The following MAOB variants were observed in gnomAD, a reference collection of about 807,000 sequenced individuals.
The protein encoded by MAOB is amine oxidase [flavin-containing] B.
A neutral mutation model predicts 41.9 loss-of-function variants in MAOB; 15 were observed. That is an observed-to-expected ratio of 0.36 (90% CI 0.24 to 0.55). The LOEUF is 0.55. Among genes scored for constraint, MAOB ranks in the 20% least tolerant of loss-of-function variants. The pLI is 0.86. For missense variants in MAOB, 345 were observed against 398.7 expected (o/e 0.87, Z 1.15); for synonymous variants, 167 against 144.2 (o/e 1.16, Z -1.13).
rs1401836577 is a variant in MAOB at position 43,793,718 on chromosome X, C to T, written c.769-140G>A. On this transcript the variant is annotated intron_variant, in intron 7 of 14. Coordinates refer to ENST00000378069, the MANE Select transcript of MAOB (RefSeq NM_000898.5). ...GGATTTTGTCGAAACCTAAAGTAGC[C>T]CTTATTGTTCCTTAGTTCAAAACCT... 4 of 467,967 alleles carry T rather than the reference C, an allele frequency of 8.5e-6. No individual in the cohort carries two copies. The East Asian group carries it at 1.7e-4, about 20-fold the overall frequency. The allele number at this position is 467,967 out of a possible 1,213,427, so 38.6% of individuals were successfully genotyped here.
In MAOB at chrX:43,802,275, T is replaced by G; in HGVS notation, c.385-12A>C. 9.2e-7 allele frequency: 1 copy of G among 1,092,696 alleles called. No homozygotes were observed. The highest frequency in any genetic ancestry group is 1.3e-6 in the Non-Finnish European group (1 of 793,900). 90.1% of individuals were successfully genotyped at this position (1,092,696 alleles called of 1,213,427 possible). A position where few individuals can be genotyped will look rare whatever the true frequency, so the allele number is the denominator to read the frequency against. On this transcript the variant is annotated splice_polypyrimidine_tract_variant and intron_variant, in intron 4 of 14. Transcript: ENST00000378069. Reference sequence around the variant, plus strand: ...GCATCACTCGGAATCTACATTCAGATGAGGATTCGAAGGAGAAAGACAAAT... The same window carrying G: ...GCATCACTCGGAATCTACATTCAGAGGAGGATTCGAAGGAGAAAGACAAAT...
chrX:43,857,114 TATAGAGAGAGAG>T (rs1200218590), intron 1 of MAOB, among the ~76,000 whole-genome samples: 231 of 11,406 alleles, frequency 0.02, no homozygotes, highest in East Asian at 0.033. Context: ...TATATATATA[TATAGAGAGAGAG>T]AGAGAGAGAG....
chrX:43,788,314 T>G (rs935118570), intron 8 of MAOB, among the ~76,000 whole-genome samples: 4 of 111,172 alleles, frequency 3.6e-5, no homozygotes, highest in Non-Finnish European at 7.5e-5. Context: ...ACCCAAACAT[T>G]TGCTTTTAGG....
chrX:43,811,606 G>T (rs965058020), intron 3 of MAOB, among the ~76,000 whole-genome samples: 10 of 112,092 alleles, frequency 8.9e-5, no homozygotes, highest in Non-Finnish European at 1.7e-4. Flanking sequence ...GAGAAGTCCT[G>T]CAAATTGTAG....
intron 3 of MAOB, among the ~76,000 whole-genome samples, chrX:43,818,344 C>T (rs2034843465): frequency 8.9e-6 from 1 of 112,137 alleles, no homozygotes; most frequent in African/African-American, 3.2e-5. Context: ...TGTGTAGTAA[C>T]TCATATTACA....
chrX:43,798,826 A>C (rs1428719836), intron 5 of MAOB, among the ~76,000 whole-genome samples: 1 of 111,787 alleles, frequency 8.9e-6, no homozygotes, highest in Non-Finnish European at 1.9e-5. Context: ...CTTTAAAATC[A>C]TTATCTTGTT....
At chrX:43,781,345 T>TAA (rs200971609) in intron 9 of MAOB, 103 bp downstream of exon 9, 2 of 363,158 alleles carry the variant, frequency 5.5e-6, no homozygotes, top group African/African-American at 2.7e-5. Context: ...TACCACTGGG[T>TAA]AAAAAAAAAA....
intron 1 of MAOB, among the ~76,000 whole-genome samples, chrX:43,862,621 C>G (rs969115336): frequency 3.6e-5 from 4 of 111,812 alleles, no homozygotes; most frequent in African/African-American, 1.3e-4. Flanking sequence ...CAGGACTCAC[C>G]CTGTGGCTAT....
intron 1 of MAOB, among the ~76,000 whole-genome samples, chrX:43,878,509 C>A (rs1185706823): frequency 9.1e-6 from 1 of 109,895 alleles, no homozygotes; most frequent in African/African-American, 3.3e-5. Context: ...GCAATCCTCC[C>A]GTCTCAACCT....
At chrX:43,881,041 G>A (rs1181102360) in intron 1 of MAOB, among the ~76,000 whole-genome samples, 2 of 113,140 alleles carry the variant, frequency 1.8e-5, no homozygotes, top group Non-Finnish European at 3.7e-5. Flanking sequence ...TTGTGATTAC[G>A]CATCTATGTA....
intron 5 of MAOB, among the ~76,000 whole-genome samples, 179 bp downstream of exon 5, chrX:43,801,993 G>A (rs2034600225): frequency 8.8e-6 from 1 of 113,215 alleles, no homozygotes; most frequent in African/African-American, 3.2e-5. Context: ...AAAGAAGTAA[G>A]TTGTATGTAC....
chrX:43,868,855 TTGTGTGTGTGTG>T (rs113529000), intron 1 of MAOB, among the ~76,000 whole-genome samples: 1 of 103,764 alleles, frequency 9.6e-6, no homozygotes, highest in African/African-American at 3.5e-5. Flanking sequence ...ACATCAATTC[TTGTGTGTGTGTG>T]TGTGTGTGTG....
intron 8 of MAOB, among the ~76,000 whole-genome samples, chrX:43,788,107 C>G (rs756639400): frequency 9.0e-6 from 1 of 111,198 alleles, no homozygotes; most frequent in South Asian, 3.8e-4. Context: ...CCTCAGGAAG[C>G]TTCCACTCAT....
At chrX:43,846,904 T>G (rs1039389091) in intron 1 of MAOB, among the ~76,000 whole-genome samples, 2 of 112,038 alleles carry the variant, frequency 1.8e-5, no homozygotes, top group South Asian at 7.4e-4. Context: ...AGTATGAAAA[T>G]TTTTGAGTGC....
chrX:43,827,125 G>A (rs2034958763), intron 3 of MAOB, among the ~76,000 whole-genome samples: 1 of 111,908 alleles, frequency 8.9e-6, no homozygotes, highest in Non-Finnish European at 1.9e-5. Flanking sequence ...TTGAGTTGAG[G>A]CCCAAGAAAG....
intron 3 of MAOB, among the ~76,000 whole-genome samples, chrX:43,807,330 C>T (rs147350131): frequency 2.7e-5 from 3 of 112,112 alleles, no homozygotes; most frequent in Non-Finnish European, 5.6e-5. Flanking sequence ...CCCCAGATAT[C>T]AGTCTTTGTA....
rs779132210 is a variant in MAOB, at chrX:43,769,737, T to C, written c.1236-319A>G. Among the ~76,000 whole-genome samples the C allele has an allele frequency of 1.3e-4, 14 of 111,748 alleles. No individual in the cohort carries two copies. In the South Asian group the frequency reaches 5.4e-3, roughly 43 times the overall value. On this transcript the variant is annotated intron_variant, in intron 12 of 14. Coordinates refer to ENST00000378069, the MANE Select transcript of MAOB (RefSeq NM_000898.5). Reference sequence around the variant, plus strand: ...AAGCCCAGTCACATGGCTCCCTTTATGGCTCACTGGCTCTGTGGCAAGGTG... The same window carrying C: ...AAGCCCAGTCACATGGCTCCCTTTACGGCTCACTGGCTCTGTGGCAAGGTG...
At chrX:43,788,746 G>T (rs1291649904) in intron 8 of MAOB, among the ~76,000 whole-genome samples, 1 of 111,054 alleles carries the variant, frequency 9.0e-6, no homozygotes, top group Non-Finnish European at 1.9e-5. Flanking sequence ...TGATATGTAT[G>T]ATGTATGTTT....
intron 1 of MAOB, among the ~76,000 whole-genome samples, chrX:43,873,597 T>C (rs1041365173): frequency 3.6e-5 from 4 of 111,652 alleles, no homozygotes; most frequent in African/African-American, 1.3e-4. Context: ...ATTTGAAAGG[T>C]CAGACCTACC....
Sources: allele counts gnomAD v4.1 joint callset (sites outside exome capture counted in the v4.1 genomes callset), GRCh38; gene constraint gnomAD v4.1.1; transcripts MANE v1.5; gene names NCBI Gene and HGNC (gene_info 2026-07-23, HGNC 2026-07-21).